Variants in NCR2 observed in about 807,000 individuals in gnomAD.
The protein encoded by NCR2 is NK cell activating receptor (NKp44).
A neutral mutation model predicts 30.7 loss-of-function variants in NCR2; 35 were observed. That is an observed-to-expected ratio of 1.14 (90% CI 0.87 to 1.51). The LOEUF (loss-of-function observed/expected upper bound fraction) is 1.51. Ranked by LOEUF, NCR2 falls within the 40% of genes most tolerant of loss-of-function variation. The probability of loss-of-function intolerance (pLI) is 0.00; values close to 1 mark genes in which losing one functional copy is unlikely to be tolerated. For missense variants in NCR2, 316 were observed against 328.9 expected (o/e 0.96, Z 0.30); for synonymous variants, 146 against 134.8 (o/e 1.08, Z -0.58).
intron 4 of NCR2, among the ~76,000 whole-genome samples, chr6:41,348,962 C>T (rs6909323): frequency 0.027 from 4,047 of 151,554 alleles, 162 homozygotes; most frequent in African/African-American, 0.087. Flanking sequence ...CTATGAAGCA[C>T]GCACCCTTAA....
chr6:41,348,170 C>T (rs1052669120), intron 4 of NCR2, among the ~76,000 whole-genome samples: 5 of 152,140 alleles, frequency 3.3e-5, no homozygotes, highest in African/African-American at 1.2e-4. Flanking sequence ...CTTGCTCTGG[C>T]CACAAATTAT....
chr6:41,343,024 G>T (rs1234758311), intron 4 of NCR2: 5 of 1,550,196 alleles, frequency 3.2e-6, no homozygotes, highest in Non-Finnish European at 4.4e-6. Context: ...CAGGGCACCA[G>T]GTGGGCGGCC....
chr6:41,340,603 C>T (rs993800155), intron 2 of NCR2, among the ~76,000 whole-genome samples: 3 of 152,158 alleles, frequency 2.0e-5, no homozygotes, highest in African/African-American at 4.8e-5. Context: ...TGAGATGAGA[C>T]GAGTTAACTA....
In NCR2 at chr6:41,336,326, G is replaced by T; in HGVS notation, c.292G>T (p.Asp98Tyr). Residue 98 changes from aspartate (D) to tyrosine (Y), a missense_variant, in exon 2 of 5, where the codon GAT becomes TAT. Coordinates refer to ENST00000373089, the MANE Select transcript of NCR2 (RefSeq NM_004828.4). The part of the protein sequence containing the change: ...DAGFFTVTMT[D>Y]LREEDSGHYW... ...TGGCTTCTTCACTGTCACCATGACT[G>T]ATCTGAGAGAGGAAGACTCAGGACA... 14 of 1,614,092 alleles carry T rather than the reference G, an allele frequency of 8.7e-6. No individual in the cohort carries two copies. The highest frequency in any genetic ancestry group is 1.1e-5 in the Non-Finnish European group (13 of 1,180,032).
rs756060124 is a variant in NCR2 at position 41,335,962 on chromosome 6, G to A, written c.52+34G>A. 5 of 1,576,658 alleles carry A rather than the reference G, an allele frequency of 3.2e-6. No individual in the cohort carries two copies. In the South Asian group the frequency reaches 5.8e-5, roughly 18 times the overall value. On this transcript the variant is annotated intron_variant, in intron 1 of 4. Coordinates refer to ENST00000373089, the MANE Select transcript of NCR2 (RefSeq NM_004828.4). ...GAGGAGGAGCCCAGGGAGCAGAGGA[G>A]ATGGGTGTGGTGGGGACTGTCAGGA...
In NCR2 at chr6:41,342,144, CTGGTGGTGAGTGTGGTG is replaced by C; in HGVS notation, c.643_644+15del. The C allele has an allele frequency of 6.2e-7, 1 of 1,612,804 alleles. No individual in the cohort carries two copies. Among genetic ancestry groups the C allele is most frequent in the Non-Finnish European group, 8.5e-7 (1 of 1,179,996 alleles). ...GCCTGGTGCTGTCAGCCCTGCTCGT[CTGGTGGTGAGTGTGGTG>C]TGGGTTGAACTCGGGGAAAATGGAA... On this transcript the variant is annotated splice_donor_variant and splice_donor_5th_base_variant and coding_sequence_variant and intron_variant, in exon 4 of 5. Coordinates refer to ENST00000373089, the MANE Select transcript of NCR2 (RefSeq NM_004828.4). LOFTEE classifies it high-confidence loss of function.
At chr6:41,340,591 A>C (rs1444622174) in intron 2 of NCR2, among the ~76,000 whole-genome samples, 1 of 152,202 alleles carries the variant, frequency 6.6e-6, no homozygotes, top group Non-Finnish European at 1.5e-5. Flanking sequence ...TATCCTGTTC[A>C]ATGAGATGAG....
At chr6:41,342,452 T>C in intron 4 of NCR2, among the ~76,000 whole-genome samples, 1 of 147,726 alleles carries the variant, frequency 6.8e-6, no homozygotes, top group African/African-American at 2.5e-5. Flanking sequence ...CTCTCTCCAT[T>C]CCTCCCCCTC....
chr6:41,340,656 C>A (rs765075075), intron 2 of NCR2, among the ~76,000 whole-genome samples: 1 of 152,128 alleles, frequency 6.6e-6, no homozygotes, highest in South Asian at 2.1e-4. Flanking sequence ...TTGATATAAA[C>A]GTTTTGAAAC....
intron 4 of NCR2, 40 bp from the exon 5 acceptor site, chr6:41,350,638 A>T (rs1581667621): frequency 1.3e-6 from 2 of 1,575,318 alleles, no homozygotes; most frequent in African/African-American, 2.7e-5. Context: ...ATTATGTGGC[A>T]GTCTCTGACC....
intron 4 of NCR2, among the ~76,000 whole-genome samples, chr6:41,350,405 A>G (rs1769398319): frequency 6.6e-6 from 1 of 152,034 alleles, no homozygotes. Context: ...GAACCTGGAG[A>G]CTTGAAGGAA....
intron 2 of NCR2, among the ~76,000 whole-genome samples, chr6:41,341,406 G>A (rs1444511332): frequency 6.6e-6 from 1 of 152,134 alleles, no homozygotes; most frequent in African/African-American, 2.4e-5. Context: ...TTCCCCACAA[G>A]AGGCTCCCTT....
At chr6:41,344,629 T>C (rs1769254174) in intron 4 of NCR2, among the ~76,000 whole-genome samples, 1 of 152,258 alleles carries the variant, frequency 6.6e-6, no homozygotes, top group Non-Finnish European at 1.5e-5. Flanking sequence ...GCACAGCATG[T>C]TTTATTTTGG....
chr6:41,343,013 A>G lies in NCR2; in HGVS notation c.644+864A>G, dbSNP rs775296652. ...GCCCATAGACACTTCCCACTGAGCC[A>G]CAGGGCACCAGGTGGGCGGCCAGTC... On this transcript the variant is annotated intron_variant, in intron 4 of 4. Transcript: ENST00000373089. 3.2e-6 allele frequency: 5 copies of G among 1,550,526 alleles called. No homozygotes were observed. The South Asian group carries it at 3.6e-5, about 11-fold the overall frequency.
At chr6:41,343,672 GGTCATTTCAAA>G (rs1358836875) in intron 4 of NCR2, among the ~76,000 whole-genome samples, 1 of 152,128 alleles carries the variant, frequency 6.6e-6, no homozygotes, top group East Asian at 1.9e-4. Context: ...AAAAGAAATT[GGTCATTTCAAA>G]GTTACCTTCT....
At chr6:41,339,009 AAC>A (rs1289158432) in intron 2 of NCR2, among the ~76,000 whole-genome samples, 1 of 152,192 alleles carries the variant, frequency 6.6e-6, no homozygotes, top group Non-Finnish European at 1.5e-5. Flanking sequence ...TTCTCCTAAA[AAC>A]AGTTTGTTGT....
intron 4 of NCR2, among the ~76,000 whole-genome samples, chr6:41,346,342 C>T (rs1009344564): frequency 6.6e-6 from 1 of 152,070 alleles, no homozygotes; most frequent in African/African-American, 2.4e-5. Flanking sequence ...CAATAGCCCC[C>T]CTCTTAATCT....
At position 41,343,030 on chromosome 6, in the gene NCR2, C is replaced by A. The variant is rs146166036; in HGVS notation, c.644+881C>A. On this transcript the variant is annotated intron_variant, in intron 4 of 4. Transcript: ENST00000373089. ...ACTGAGCCACAGGGCACCAGGTGGG[C>A]GGCCAGTCTCCAACAAGGCTGGGCT... is the stretch of plus-strand genomic sequence containing the variant. 12 of 1,548,414 alleles carry A rather than the reference C, an allele frequency of 7.7e-6. No individual in the cohort carries two copies. The African/African-American group carries it at 1.1e-4, about 14-fold the overall frequency.
rs147022055 is a variant in NCR2 at position 41,341,782 on chromosome 6, C to T, written c.395-12C>T. 6.1e-4 allele frequency: 979 copies of T among 1,605,208 alleles called. 8 individuals are homozygous for T. The East Asian group carries it at 0.018, about 30-fold the overall frequency. ...CCCACTCACTAACCACGCTCTTTCT[C>T]CTCCCTGGCAGCCTCTGCCTCCACA... On this transcript the variant is annotated splice_polypyrimidine_tract_variant and intron_variant, in intron 2 of 4. Transcript: ENST00000373089.
Sources: gnomAD v4.1 joint callset for allele counts (sites outside exome capture counted in the v4.1 genomes callset) on GRCh38, gnomAD v4.1.1 for gene constraint, MANE v1.5 for transcripts, NCBI Gene and HGNC (gene_info 2026-07-23, HGNC 2026-07-21) for gene names.